LACC1: variants seen among roughly 807,000 people sequenced by gnomAD.
LACC1 encodes purine nucleoside phosphorylase LACC1.
A neutral mutation model predicts 34.8 loss-of-function variants in LACC1; 25 were observed. The observed-to-expected ratio is 0.72, with a 90% CI of 0.52 to 1.00. The LOEUF is 1.00. Ranked by LOEUF, LACC1 falls within the 50% of genes least tolerant of loss-of-function variation. The probability of loss-of-function intolerance (pLI) is 0.00; values close to 1 mark genes in which losing one functional copy is unlikely to be tolerated. For synonymous variants in LACC1, 162 were observed against 168.0 expected (o/e 0.96, Z 0.28); for missense variants, 426 against 511.2 (o/e 0.83, Z 1.61).
chr13:43,890,877 G>A (rs1039463051), intron 6 of LACC1, among the ~76,000 whole-genome samples: 2 of 152,134 alleles, frequency 1.3e-5, no homozygotes, highest in African/African-American at 2.4e-5. Flanking sequence ...ACTCAGCTTC[G>A]CCATTGTAGA....
intron 3 of LACC1, among the ~76,000 whole-genome samples, 181 bp downstream of exon 3, chr13:43,882,544 C>T (rs1485615516): frequency 7.9e-6 from 1 of 127,346 alleles, no homozygotes; most frequent in Non-Finnish European, 1.6e-5. Context: ...CTATTTTATA[C>T]ACACACACAC....
At position 43,893,554 on chromosome 13, in the gene LACC1, A is replaced by T. The variant is rs901844057; in HGVS notation, c.*2107A>T. The T allele has an allele frequency of 6.6e-6, 1 of 152,024 alleles. No homozygotes were observed. Among genetic ancestry groups the T allele is most frequent in the Non-Finnish European group, 1.5e-5 (1 of 67,882 alleles). 9.4% of individuals were successfully genotyped at this position (152,024 alleles called of 1,614,324 possible). A position where few individuals can be genotyped will look rare whatever the true frequency, so the allele number is the denominator to read the frequency against. On this transcript the variant is annotated 3_prime_UTR_variant, in exon 7 of 7. Transcript: ENST00000325686. ...TATTTAATATCCAGTGAAAAGTGACAGTCAGTAAACCAACAATCTCAATAC... is the reference window on the plus strand; with the variant it reads ...TATTTAATATCCAGTGAAAAGTGACTGTCAGTAAACCAACAATCTCAATAC...
At chr13:43,888,357 T>G (rs1225471120) in intron 4 of LACC1, among the ~76,000 whole-genome samples, 1 of 152,114 alleles carries the variant, frequency 6.6e-6, no homozygotes, top group Non-Finnish European at 1.5e-5. Flanking sequence ...AATGAAAAAA[T>G]TCTGGAGATT....
In LACC1 at chr13:43,881,160, G is replaced by C. The variant is rs141347663; in HGVS notation, c.175G>C (p.Asp59His). The C allele has an allele frequency of 1.7e-5, 27 of 1,614,026 alleles. No individual in the cohort carries two copies. In the African/African-American group the frequency reaches 3.2e-4, roughly 19 times the overall value. Reference sequence around the variant, plus strand: ...CAGCTATGAAAGGGATGGAGAACAAGATAATTGTGAAATAGAAACAAGCAA... The same window carrying C: ...CAGCTATGAAAGGGATGGAGAACAACATAATTGTGAAATAGAAACAAGCAA... Reference protein sequence around the residue: ...NISYERDGEQDNCEIETSNGL... With the variant: ...NISYERDGEQHNCEIETSNGL... Residue 59 changes from aspartate to histidine, a missense_variant, in exon 2 of 7, where the codon GAT (aspartate) becomes CAT (histidine). By Grantham distance (81) the Asp-to-His change is moderately conservative (BLOSUM62 -1). This residue lies in a region of LACC1 where 217 missense variants were observed against 210.9 expected (regional missense o/e 1.03). Transcript: ENST00000325686.
chr13:43,882,516 A>G (rs1342876380), intron 3 of LACC1, among the ~76,000 whole-genome samples, 153 bp downstream of exon 3: 1 of 150,260 alleles, frequency 6.7e-6, no homozygotes, highest in Non-Finnish European at 1.5e-5. Context: ...TTTATACACC[A>G]TAGCCTAAAG....
At chr13:43,887,113 A>G (rs766826942) in intron 4 of LACC1, among the ~76,000 whole-genome samples, 2 of 151,952 alleles carry the variant, frequency 1.3e-5, no homozygotes, top group Non-Finnish European at 2.9e-5. Context: ...AAAACTCAAC[A>G]TTTTTTTCCT....
In LACC1 at chr13:43,882,356, G is replaced by A. The variant is rs142958219; in HGVS notation, c.734G>A (p.Arg245Gln). 9.3e-5 allele frequency: 150 copies of A among 1,604,640 alleles called. No homozygotes were observed. In the African/African-American group the frequency reaches 1.5e-3, roughly 16 times the overall value. ...GGATTTAATGTGGAGAAATTTTACC[G>A]AATAAAGGTAAAATTTTGCTTTATA... Reference protein sequence around the residue: ...AAGFNVEKFYRIKTHHSNDIW... With the variant: ...AAGFNVEKFYQIKTHHSNDIW... Residue 245 changes from arginine to glutamine, a missense_variant, in exon 3 of 7, where the codon CGA (arginine) becomes CAA (glutamine). Coordinates refer to ENST00000325686, the MANE Select transcript of LACC1 (RefSeq NM_153218.4).
intron 2 of LACC1, among the ~76,000 whole-genome samples, 172 bp from the exon 3 acceptor site, chr13:43,882,013 G>A (rs1257222645): frequency 7.2e-5 from 11 of 152,170 alleles, no homozygotes; most frequent in Non-Finnish European, 1.6e-4. Context: ...ATCTCATAGG[G>A]AGTGTAAAAC....
intron 5 of LACC1, 145 bp from the exon 6 acceptor site, chr13:43,889,969 G>C: frequency 1.6e-6 from 1 of 644,678 alleles, no homozygotes; most frequent in Admixed American, 3.2e-5. Flanking sequence ...ACTAGTCCAT[G>C]TTCTGTAAGT....
rs772448949 is a variant in LACC1 at position 43,892,592 on chromosome 13, T to C, written c.*1145T>C. On this transcript the variant is annotated 3_prime_UTR_variant, in exon 7 of 7. Coordinates refer to ENST00000325686, the MANE Select transcript of LACC1 (RefSeq NM_153218.4). Reference sequence around the variant, plus strand: ...CCAGATAGAAATCTTTGGTTAATAATTAGAAATATAGACCTAGAAATTAGG... The same window carrying C: ...CCAGATAGAAATCTTTGGTTAATAACTAGAAATATAGACCTAGAAATTAGG... The C allele has an allele frequency of 6.6e-6, 1 of 152,056 alleles. No individual in the cohort carries two copies. Among genetic ancestry groups the C allele is most frequent in the Non-Finnish European group, 1.5e-5 (1 of 67,980 alleles). 9.4% of individuals were successfully genotyped at this position (152,056 alleles called of 1,614,324 possible).
At chr13:43,881,617 CCT>C in intron 2 of LACC1, 70 bp downstream of exon 2, 2 of 1,192,890 alleles carry the variant, frequency 1.7e-6, no homozygotes, top group Non-Finnish European at 2.3e-6. Flanking sequence ...AGGTAGTTCA[CCT>C]CTTTTTTTCC....
Position 43,888,757 on chromosome 13 carries a change from G to A in LACC1, c.908G>A (p.Gly303Asp), listed in dbSNP as rs1955442772. Reference protein sequence around the residue: ...VKKACGVAHAGWKGTLLGVAM... With the variant: ...VKKACGVAHADWKGTLLGVAM... ...ATCTCTTTTTATTCCTATTTACCAG[G>A]TTGGAAAGGTACTTTGTTGGGTGTT... Residue 303 changes from glycine to aspartate, a missense_variant and splice_region_variant, in exon 5 of 7, where the codon GGT becomes GAT. Gly to Asp is a moderately conservative substitution (Grantham distance 94). This residue lies in a region of LACC1 where 209 missense variants were observed against 300.3 expected (regional missense o/e 0.70). Coordinates refer to ENST00000325686, the MANE Select transcript of LACC1 (RefSeq NM_153218.4). The A allele has an allele frequency of 3.7e-6, 6 of 1,612,068 alleles. No homozygotes were observed. Among genetic ancestry groups the A allele is most frequent in the Non-Finnish European group, 5.1e-6 (6 of 1,178,438 alleles).
rs140676568 is a variant in LACC1 at position 43,883,990 on chromosome 13, A to G, written c.907+54A>G. On this transcript the variant is annotated intron_variant, in intron 4 of 6. Coordinates refer to ENST00000325686, the MANE Select transcript of LACC1 (RefSeq NM_153218.4). ...TTTTACTCATTTTGTTGTGCAGGAAAAATTGTAATTTCTTTCTGATGGACA... is the reference window on the plus strand; with the variant it reads ...TTTTACTCATTTTGTTGTGCAGGAAGAATTGTAATTTCTTTCTGATGGACA... 1.7e-3 allele frequency: 2,502 copies of G among 1,487,470 alleles called. 3 individuals are homozygous for G. Among genetic ancestry groups the G allele is most frequent in the Non-Finnish European group, 2.1e-3 (2,295 of 1,080,250 alleles). 92.1% of individuals were successfully genotyped at this position (1,487,470 alleles called of 1,614,324 possible). A position where few individuals can be genotyped will look rare whatever the true frequency, so the allele number is the denominator to read the frequency against.
At position 43,889,273 on chromosome 13, in the gene LACC1, C is replaced by T. The variant is rs9533678; in HGVS notation, c.1133+291C>T. Among the ~76,000 whole-genome samples, 78,658 of 151,914 alleles carry T rather than the reference C, an allele frequency of 0.52. 20,815 individuals carry two copies. Among genetic ancestry groups the T allele is most frequent in the East Asian group, 0.67 (3,449 of 5,172 alleles). ...CTTAAACTTCATATAGAAAAGTTGG[C>T]GTGTACTTTACTTCACAGCCATTCC... On this transcript the variant is annotated intron_variant, in intron 5 of 6. Transcript: ENST00000325686.
At chr13:43,880,905 A>AT in intron 1 of LACC1, 47 bp from the exon 2 acceptor site, 1 of 1,218,194 alleles carries the variant, frequency 8.2e-7, no homozygotes, top group South Asian at 1.6e-5. Flanking sequence ...TGTTGTAACT[A>AT]TAAGATTTAT....
At chr13:43,891,011 G>A (rs1955547385) in intron 6 of LACC1, among the ~76,000 whole-genome samples, 1 of 152,202 alleles carries the variant, frequency 6.6e-6, no homozygotes, top group Admixed American at 6.5e-5. Context: ...TGTAGTCCCA[G>A]CTCCTCGGGA....
At position 43,881,192 on chromosome 13, in the gene LACC1, A is replaced by G. The variant is rs772473943; in HGVS notation, c.207A>G (p.Leu69=). ...DNCEIETSNG[L]SALLEEFEIV... The stretch of plus-strand genomic sequence containing the variant: ...GTGAAATAGAAACAAGCAATGGATT[A>G]TCAGCTCTCTTGGAAGAATTTGAGA... The change falls in exon 2 of 7, where the codon TTA becomes TTG. Residue 69 remains leucine, a synonymous_variant. Transcript: ENST00000325686. 1.9e-6 allele frequency: 3 copies of G among 1,614,068 alleles called. No individual in the cohort carries two copies. Among genetic ancestry groups the G allele is most frequent in the African/African-American group, 2.7e-5 (2 of 74,938 alleles).
chr13:43,881,520 A>G lies in LACC1; in HGVS notation c.535A>G (p.Thr179Ala), dbSNP rs767385187. The change falls in exon 2 of 7, where the codon ACT becomes GCT. Residue 179 changes from threonine to alanine, a missense_variant. Physicochemically the swap from Thr to Ala is moderately conservative, Grantham distance 58. This residue lies in a region of LACC1 where 217 missense variants were observed against 210.9 expected (regional missense o/e 1.03). Transcript: ENST00000325686. The part of the protein sequence containing the change: ...RSLPALRGKL[T>A]IITSSLIPDI... ...TCTGCCAGCACTGAGAGGAAAATTA[A>G]CTATTATCACTTCTTCTTTGATCCC... 6 of 1,605,804 alleles carry G rather than the reference A, an allele frequency of 3.7e-6. No individual in the cohort carries two copies. The highest frequency in any genetic ancestry group is 1.7e-5 in the Admixed American group (1 of 58,084).
At chr13:43,883,746 T>G in intron 3 of LACC1, 25 bp from the exon 4 acceptor site, 1 of 1,570,052 alleles carries the variant, frequency 6.4e-7, no homozygotes, top group Non-Finnish European at 8.7e-7. Context: ...TCCAAAACAT[T>G]TTTGTTGCAC....
Sources: allele counts gnomAD v4.1 joint callset (sites outside exome capture counted in the v4.1 genomes callset), GRCh38; gene constraint gnomAD v4.1.1; regional missense constraint gnomAD v4.1.1; transcripts MANE v1.5; gene names NCBI Gene and HGNC (gene_info 2026-07-23, HGNC 2026-07-21).